Variants in KCNJ15 observed in about 807,000 individuals in gnomAD.
KCNJ15 encodes the protein potassium inwardly rectifying channel subfamily J member 15.
Under a neutral mutation model 23.0 loss-of-function variants are expected in KCNJ15, and 14 were observed. The ratio of observed to expected loss-of-function variants is 0.61; its 90% CI spans 0.40 to 0.95. The LOEUF (loss-of-function observed/expected upper bound fraction) is 0.95, where lower values mean the gene tolerates loss of function less well. KCNJ15 is among the 40% of genes least tolerant of loss of function. KCNJ15 has a pLI of 0.00. For missense variants in KCNJ15, 388 were observed against 461.8 expected (o/e 0.84, Z 1.46); for synonymous variants, 185 against 183.2 (o/e 1.01, Z -0.08).
intron 1 of KCNJ15, among the ~76,000 whole-genome samples, chr21:38,288,119 C>A (rs1422684473): frequency 7.5e-6 from 1 of 133,038 alleles, no homozygotes. Context: ...CAGCTCACTG[C>A]AAGCTCCACT....
intron 1 of KCNJ15, among the ~76,000 whole-genome samples, chr21:38,259,440 G>C (rs1302681923): frequency 6.6e-6 from 1 of 152,094 alleles, no homozygotes; most frequent in South Asian, 2.1e-4. Context: ...TACAGCTACC[G>C]TTATTTTTTT....
At chr21:38,297,517 CA>C (rs1415774140) in intron 2 of KCNJ15, among the ~76,000 whole-genome samples, 2 of 152,234 alleles carry the variant, frequency 1.3e-5, no homozygotes, top group East Asian at 3.9e-4. Flanking sequence ...TGCATGCAGT[CA>C]CTTGCAGACA....
intron 1 of KCNJ15, among the ~76,000 whole-genome samples, chr21:38,230,329 T>C (rs12482324): frequency 0.39 from 59,800 of 151,956 alleles, 13,366 homozygotes; most frequent in East Asian, 0.76. Context: ...TTCTCTTCTT[T>C]GGGTAAATGT....
At chr21:38,258,247 G>A (rs1980479976) in intron 1 of KCNJ15, among the ~76,000 whole-genome samples, 1 of 152,202 alleles carries the variant, frequency 6.6e-6, no homozygotes, top group Non-Finnish European at 1.5e-5. Flanking sequence ...AGCCTTAGGT[G>A]ACAAATTCTC....
At chr21:38,260,440 T>C (rs190641050) in intron 1 of KCNJ15, among the ~76,000 whole-genome samples, 1 of 152,240 alleles carries the variant, frequency 6.6e-6, no homozygotes, top group Non-Finnish European at 1.5e-5. Flanking sequence ...GCATTTCTTT[T>C]GATGGGCATT....
At position 38,301,958 on chromosome 21, in the gene KCNJ15, TCACACACG is replaced by T. The variant is rs1477782079; in HGVS notation, c.*1577_*1584del. 1 of 157,506 alleles carries T rather than the reference TCACACACG, an allele frequency of 6.3e-6. No homozygotes were observed. Among genetic ancestry groups the T allele is most frequent in the East Asian group, 1.9e-4 (1 of 5,174 alleles). 9.8% of individuals were successfully genotyped at this position (157,506 alleles called of 1,614,324 possible). A position where few individuals can be genotyped will look rare whatever the true frequency, so the allele number is the denominator to read the frequency against. On this transcript the variant is annotated 3_prime_UTR_variant, in exon 3 of 3. Coordinates refer to ENST00000398938, the MANE Select transcript of KCNJ15 (RefSeq NM_170736.3). ...TTCCCCCCACCAAGCACACACACAGTCACACACGCACACACACACACATGCACACACGC... is the reference window on the plus strand; with the variant it reads ...TTCCCCCCACCAAGCACACACACAGTCACACACACACACATGCACACACGC...
Position 38,306,767 on chromosome 21 carries a change from T to C in KCNJ15, c.*6378T>C, listed in dbSNP as rs556059424. 2.8e-4 allele frequency: 43 copies of C among 152,340 alleles called. 1 individual carries two copies. In the South Asian group the frequency reaches 8.7e-3, roughly 31 times the overall value. 9.4% of individuals were successfully genotyped at this position (152,340 alleles called of 1,614,324 possible). On this transcript the variant is annotated 3_prime_UTR_variant, in exon 3 of 3. Coordinates refer to ENST00000398938, the MANE Select transcript of KCNJ15 (RefSeq NM_170736.3). ...GAGGAATTATTTCTGTAAGGTGTCATGGAATTGTAAGTTACAAAAATAAGG... is the reference window on the plus strand; with the variant it reads ...GAGGAATTATTTCTGTAAGGTGTCACGGAATTGTAAGTTACAAAAATAAGG...
chr21:38,298,413 A>G (rs1010363152), intron 2 of KCNJ15: 2 of 152,254 alleles, frequency 1.3e-5, no homozygotes, highest in Non-Finnish European at 2.9e-5. Context: ...CCATACCTAA[A>G]TATCACGTCT....
At chr21:38,280,250 G>A (rs556892359) in intron 1 of KCNJ15, among the ~76,000 whole-genome samples, 90 of 152,252 alleles carry the variant, frequency 5.9e-4, no homozygotes, top group Non-Finnish European at 1.1e-3. Context: ...TTTATTTGCA[G>A]CCACTGTTGC....
intron 1 of KCNJ15, among the ~76,000 whole-genome samples, chr21:38,282,945 G>A (rs770172806): frequency 2.6e-5 from 4 of 152,144 alleles, no homozygotes; most frequent in African/African-American, 4.8e-5. Flanking sequence ...CGAGGGATGC[G>A]TAGGAGTTTA....
chr21:38,299,162 T>C lies in KCNJ15; in HGVS notation c.-18-82T>C. ...TCTTGTGTACTTCCATGTACATTCA[T>C]ACTTACTTCACATGATGATTCTATT... On this transcript the variant is annotated intron_variant, in intron 2 of 2. Transcript: ENST00000398938. The surrounding 1 kb of genome is among the most constrained non-coding windows in gnomAD (Gnocchi z 4.5). 2.8e-6 allele frequency: 3 copies of C among 1,060,998 alleles called. No individual in the cohort carries two copies. The highest frequency in any genetic ancestry group is 4.2e-6 in the Non-Finnish European group (3 of 717,088). 65.7% of individuals were successfully genotyped at this position (1,060,998 alleles called of 1,614,324 possible).
Position 38,257,974 on chromosome 21 carries a change from C to G in KCNJ15, c.-117+789C>G, listed in dbSNP as rs60979652. On this transcript the variant is annotated intron_variant, in intron 1 of 2. Coordinates refer to ENST00000398938, the MANE Select transcript of KCNJ15 (RefSeq NM_170736.3). ...AACCCACAGGTTAGAAAACTTACAA[C>G]GAATGTAGTATTTGACTGTGGAAAA... Among the ~76,000 whole-genome samples the G allele has an allele frequency of 3.5e-3, 531 of 151,972 alleles. 7 individuals are homozygous for G. The highest frequency in any genetic ancestry group is 0.012 in the African/African-American group (506 of 41,412).
At chr21:38,231,394 C>T (rs1397414320) in intron 1 of KCNJ15, among the ~76,000 whole-genome samples, 1 of 151,598 alleles carries the variant, frequency 6.6e-6, no homozygotes, top group Non-Finnish European at 1.5e-5. Flanking sequence ...AATATAAGAA[C>T]TTTTCCTTAT....
intron 1 of KCNJ15, among the ~76,000 whole-genome samples, chr21:38,248,203 A>G (rs1020154929): frequency 1.3e-5 from 2 of 152,212 alleles, no homozygotes; most frequent in African/African-American, 2.4e-5. Flanking sequence ...TTCATCAACA[A>G]ATGAAGAACA....
chr21:38,232,365 T>C (rs1978334669), intron 1 of KCNJ15, among the ~76,000 whole-genome samples: 1 of 151,880 alleles, frequency 6.6e-6, no homozygotes, highest in South Asian at 2.1e-4. Flanking sequence ...AGCTGAAATT[T>C]GGTCAACTGT....
chr21:38,262,167 A>G (rs1980972826), intron 1 of KCNJ15, among the ~76,000 whole-genome samples: 1 of 152,204 alleles, frequency 6.6e-6, no homozygotes. Context: ...TTTAAAGGAC[A>G]AATTTGAAAA....
upstream of KCNJ15, among the ~76,000 whole-genome samples, chr21:38,255,158 A>T (rs1396016809): frequency 6.6e-6 from 1 of 152,184 alleles, no homozygotes; most frequent in African/African-American, 2.4e-5. Context: ...ACGGACTTGG[A>T]TCAGGACCAG....
chr21:38,245,715 AAG>A lies in KCNJ15; in HGVS notation c.-398-11323_-398-11322del, dbSNP rs74265586. ...AAGAAAGAAGGAAAGGAAAGAAAGA[AAG>A]AGAGAGAAAGAGAAAGGAAGGAAGG... On this transcript the variant is annotated intron_variant, in intron 1 of 4. Coordinates refer to the KCNJ15 transcript ENST00000547341. 2.6e-3 allele frequency among the ~76,000 whole-genome samples: 402 copies of A among 152,024 alleles called. 4 individuals carry two copies. Among genetic ancestry groups the A allele is most frequent in the Admixed American group, 5.2e-3 (79 of 15,278 alleles).
intron 1 of KCNJ15, among the ~76,000 whole-genome samples, chr21:38,250,492 G>C (rs1332234635): frequency 6.6e-6 from 1 of 152,184 alleles, no homozygotes; most frequent in Non-Finnish European, 1.5e-5. Context: ...CTTGGAAAAG[G>C]GTGAAAGGGG....
Sources: gnomAD v4.1 joint callset for allele counts (sites outside exome capture counted in the v4.1 genomes callset) on GRCh38, gnomAD v4.1.1 for gene constraint, Gnocchi (gnomAD v3.1) non-coding constraint, MANE v1.5 for transcripts, NCBI Gene and HGNC (gene_info 2026-07-23, HGNC 2026-07-21) for gene names.